The following FAM168B variants were observed in gnomAD, a reference collection of about 807,000 sequenced individuals.
The protein encoded by FAM168B is myelin-associated neurite-outgrowth inhibitor.
In FAM168B, 19 loss-of-function variants were observed where a neutral mutation model predicts 21.8. The ratio of observed to expected loss-of-function variants is 0.87; its 90% CI spans 0.61 to 1.28. The LOEUF (loss-of-function observed/expected upper bound fraction) is 1.28. Among genes scored for constraint, FAM168B ranks in the 50% most tolerant of loss-of-function variants. FAM168B has a pLI of 0.00. For missense variants in FAM168B, 233 were observed against 263.1 expected (o/e 0.89, Z 0.79); for synonymous variants, 126 against 104.8 (o/e 1.20, Z -1.24).
rs185722803 is a variant in FAM168B, at chr2:131,081,639, G to A, written c.70+938C>T. ...TCTTTGCTGAGAGTATCACCCTCCA[G>A]AGGGACGAGAATGACTGATAAGAAG... On this transcript the variant is annotated intron_variant, in intron 2 of 6. Transcript: ENST00000389915. 1.3e-3 allele frequency among the ~76,000 whole-genome samples: 203 copies of A among 152,270 alleles called. 1 individual carries two copies. Among genetic ancestry groups the A allele is most frequent in the African/African-American group, 4.2e-3 (173 of 41,556 alleles).
chr2:131,088,360 A>G (rs1693826548), intron 1 of FAM168B, among the ~76,000 whole-genome samples: 1 of 151,794 alleles, frequency 6.6e-6, no homozygotes, highest in Admixed American at 6.6e-5. Context: ...AAACCCCAAA[A>G]GTGGGACATT....
chr2:131,060,320 G>T (rs1039960499), intron 3 of FAM168B, among the ~76,000 whole-genome samples: 1 of 152,038 alleles, frequency 6.6e-6, no homozygotes, highest in African/African-American at 2.4e-5. Context: ...CACCGCGCCC[G>T]GCCGTGAGTA....
At position 131,050,269 on chromosome 2, in the gene FAM168B, C is replaced by T. The variant is rs1691578225; in HGVS notation, c.*2196G>A. The T allele has an allele frequency of 1.5e-5, 15 of 985,286 alleles. No individual in the cohort carries two copies. The highest frequency in any genetic ancestry group is 1.8e-5 in the Non-Finnish European group (15 of 829,936). 61.0% of individuals were successfully genotyped at this position (985,286 alleles called of 1,614,324 possible). A position where few individuals can be genotyped will look rare whatever the true frequency, so the allele number is the denominator to read the frequency against. The stretch of plus-strand genomic sequence containing the variant: ...CACAGGAGTTGTACATGTATGTTTC[C>T]ATTTTGTTGTGTGGGGCTTTTTAAA... On this transcript the variant is annotated 3_prime_UTR_variant, in exon 7 of 7. Coordinates refer to ENST00000389915, the MANE Select transcript of FAM168B (RefSeq NM_001009993.4).
At chr2:131,068,189 C>G (rs994783763) in intron 3 of FAM168B, among the ~76,000 whole-genome samples, 3 of 152,096 alleles carry the variant, frequency 2.0e-5, no homozygotes, top group Non-Finnish European at 4.4e-5. Context: ...GACAGAGTCT[C>G]GCTCTGTCAC....
chr2:131,064,418 G>A (rs180777715), intron 3 of FAM168B, among the ~76,000 whole-genome samples: 3 of 152,154 alleles, frequency 2.0e-5, no homozygotes, highest in African/African-American at 4.8e-5. Context: ...AAATCCTACA[G>A]AATAGCAAAG....
chr2:131,071,912 C>G lies in FAM168B; in HGVS notation c.97G>C (p.Ala33Pro). The change falls in exon 3 of 7, where the codon GCA becomes CCA. Residue 33 changes from alanine to proline, a missense_variant. Physicochemically the swap from Ala to Pro is conservative, Grantham distance 27 (BLOSUM62 -1). Coordinates refer to ENST00000389915, the MANE Select transcript of FAM168B (RefSeq NM_001009993.4). ...PAGFPMGYAA[A>P]APAYSPNMYP... ...ATGTTAGGAGAATAGGCAGGAGCTG[C>G]TGCTGCATAGCCCATGGGAAAACCA... The G allele has an allele frequency of 6.2e-7, 1 of 1,614,114 alleles. No individual in the cohort carries two copies. Among genetic ancestry groups the G allele is most frequent in the South Asian group, 1.1e-5 (1 of 91,088 alleles).
chr2:131,087,868 C>T (rs938813018), intron 1 of FAM168B, among the ~76,000 whole-genome samples: 16 of 152,218 alleles, frequency 1.1e-4, no homozygotes, highest in Admixed American at 7.2e-4. Context: ...CAGCCAAAAA[C>T]TGCAAATTCA....
rs1156780653 is a variant in FAM168B at position 131,093,201 on chromosome 2, C to G, written c.-12+13G>C. 1 of 150,538 alleles carries G rather than the reference C, an allele frequency of 6.6e-6. No individual in the cohort carries two copies. Among genetic ancestry groups the G allele is most frequent in the Non-Finnish European group, 1.5e-5 (1 of 67,488 alleles). The allele number at this position is 150,538 out of a possible 1,614,324, so 9.3% of individuals were successfully genotyped here. On this transcript the variant is annotated intron_variant, in intron 1 of 6. Coordinates refer to ENST00000389915, the MANE Select transcript of FAM168B (RefSeq NM_001009993.4). Reference sequence around the variant, plus strand: ...CCTGGACGCGCAGTCGCCCGCTGCCCGCCCCCACTCACCGCGCCGCGGCGG... The same window carrying G: ...CCTGGACGCGCAGTCGCCCGCTGCCGGCCCCCACTCACCGCGCCGCGGCGG...
chr2:131,076,577 T>C (rs1323116026), intron 2 of FAM168B, among the ~76,000 whole-genome samples: 1 of 147,770 alleles, frequency 6.8e-6, no homozygotes, highest in East Asian at 2.0e-4. Context: ...GGCGTGAACC[T>C]GGGAGGCGCA....
intron 2 of FAM168B, among the ~76,000 whole-genome samples, chr2:131,075,235 G>A (rs1693081920): frequency 6.6e-6 from 1 of 151,102 alleles, no homozygotes; most frequent in Non-Finnish European, 1.5e-5. Flanking sequence ...CAGAGACCAG[G>A]GAACCAGCAA....
chr2:131,048,602 T>TA lies in FAM168B; in HGVS notation c.*3862dup. 1.8e-6 allele frequency: 2 copies of TA among 1,089,850 alleles called. No homozygotes were observed. Among genetic ancestry groups the TA allele is most frequent in the Non-Finnish European group, 2.3e-6 (2 of 888,706 alleles). The allele number at this position is 1,089,850 out of a possible 1,614,324, so 67.5% of individuals were successfully genotyped here. A position where few individuals can be genotyped will look rare whatever the true frequency, so the allele number is the denominator to read the frequency against. On this transcript the variant is annotated 3_prime_UTR_variant, in exon 7 of 7. Coordinates refer to ENST00000389915, the MANE Select transcript of FAM168B (RefSeq NM_001009993.4). Reference sequence around the variant, plus strand: ...AGGCCACATACCCCAACTTCTGTGTTACTTGGTCAGTTGAGCCCCTGGAGC... The same window carrying TA: ...AGGCCACATACCCCAACTTCTGTGTTAACTTGGTCAGTTGAGCCCCTGGAGC...
chr2:131,077,061 G>A (rs1418613942), intron 2 of FAM168B, among the ~76,000 whole-genome samples: 2 of 152,006 alleles, frequency 1.3e-5, no homozygotes, highest in Admixed American at 6.6e-5. Context: ...ACCCTGAGGA[G>A]AATTCCCAGA....
chr2:131,074,024 G>GC (rs1373315781), intron 2 of FAM168B, among the ~76,000 whole-genome samples: 3 of 152,326 alleles, frequency 2.0e-5, no homozygotes, highest in Admixed American at 6.5e-5. Context: ...AACAGAGGGG[G>GC]CCTCAGGCAT....
chr2:131,068,205 C>G (rs1207751421), intron 3 of FAM168B, among the ~76,000 whole-genome samples: 3 of 152,182 alleles, frequency 2.0e-5, no homozygotes, highest in African/African-American at 7.2e-5. Flanking sequence ...GTCACACAGG[C>G]TGCAGTGCAG....
intron 2 of FAM168B, among the ~76,000 whole-genome samples, chr2:131,073,674 A>G (rs1448690290): frequency 6.6e-6 from 1 of 152,066 alleles, no homozygotes; most frequent in Non-Finnish European, 1.5e-5. Flanking sequence ...GACTTCCCTA[A>G]CCTCCAGAAC....
Position 131,049,505 on chromosome 2 carries a change from C to T in FAM168B, c.*2960G>A. The T allele has an allele frequency of 1.0e-6, 1 of 985,468 alleles. No homozygotes were observed. Among genetic ancestry groups the T allele is most frequent in the Non-Finnish European group, 1.2e-6 (1 of 829,960 alleles). The allele number at this position is 985,468 out of a possible 1,614,324, so 61.0% of individuals were successfully genotyped here. A position where few individuals can be genotyped will look rare whatever the true frequency, so the allele number is the denominator to read the frequency against. ...TGACTGGCCCTGACTCTGGCCCTCA[C>T]AGAGCGGCAAGTTCATGGGTCACTG... On this transcript the variant is annotated 3_prime_UTR_variant, in exon 7 of 7. Coordinates refer to ENST00000389915, the MANE Select transcript of FAM168B (RefSeq NM_001009993.4).
At chr2:131,092,740 C>G (rs906846061) in intron 1 of FAM168B, among the ~76,000 whole-genome samples, 1 of 152,002 alleles carries the variant, frequency 6.6e-6, no homozygotes, top group Non-Finnish European at 1.5e-5. Flanking sequence ...TGAAGGAAAT[C>G]TTAAAAATCT....
chr2:131,089,407 A>G (rs1290064059), intron 1 of FAM168B, among the ~76,000 whole-genome samples: 1 of 152,110 alleles, frequency 6.6e-6, no homozygotes, highest in Non-Finnish European at 1.5e-5. Context: ...CTTGAAAATC[A>G]AATCATAATC....
At position 131,049,092 on chromosome 2, in the gene FAM168B, T is replaced by C. The variant is rs1691484691; in HGVS notation, c.*3373A>G. 12 of 985,392 alleles carry C rather than the reference T, an allele frequency of 1.2e-5. No homozygotes were observed. The highest frequency in any genetic ancestry group is 1.4e-5 in the Non-Finnish European group (12 of 829,908). The allele number at this position is 985,392 out of a possible 1,614,324, so 61.0% of individuals were successfully genotyped here. A position where few individuals can be genotyped will look rare whatever the true frequency, so the allele number is the denominator to read the frequency against. ...ACCAGCACTCACTGGCACTCACAGGTGCCTTACATACCTTACGGGGGCCAA... is the reference window on the plus strand; with the variant it reads ...ACCAGCACTCACTGGCACTCACAGGCGCCTTACATACCTTACGGGGGCCAA... On this transcript the variant is annotated 3_prime_UTR_variant, in exon 7 of 7. Coordinates refer to ENST00000389915, the MANE Select transcript of FAM168B (RefSeq NM_001009993.4).
Sources: gnomAD v4.1 joint callset for allele counts (sites outside exome capture counted in the v4.1 genomes callset) on GRCh38, gnomAD v4.1.1 for gene constraint, MANE v1.5 for transcripts, NCBI Gene and HGNC (gene_info 2026-07-23, HGNC 2026-07-21) for gene names.